UVRAG: variants seen among roughly 807,000 people sequenced by gnomAD.
UVRAG encodes UV radiation resistance associated, also known as UV radiation resistance-associated gene protein.
A neutral mutation model predicts 78.0 loss-of-function variants in UVRAG; 19 were observed. That is an observed-to-expected ratio of 0.24 (90% CI 0.17 to 0.36). UVRAG has a LOEUF of 0.36. Ranked by LOEUF, UVRAG falls within the 10% of genes least tolerant of loss-of-function variation. UVRAG has a pLI of 1.00. For missense variants in UVRAG, 740 were observed against 853.8 expected (o/e 0.87, Z 1.66); for synonymous variants, 323 against 324.6 (o/e 1.00, Z 0.05).
At chr11:75,936,524 C>T in intron 6 of UVRAG, among the ~76,000 whole-genome samples, 1 of 152,110 alleles carries the variant, frequency 6.6e-6, no homozygotes. Flanking sequence ...GAATTATTAT[C>T]TGGTAGTATA....
intron 4 of UVRAG, among the ~76,000 whole-genome samples, chr11:75,884,916 A>T (rs1351418010): frequency 6.6e-6 from 1 of 152,064 alleles, no homozygotes; most frequent in South Asian, 2.1e-4. Flanking sequence ...GTCCATTTCT[A>T]TAAAAATCCT....
chr11:75,891,903 C>G (rs1947219998), intron 5 of UVRAG, among the ~76,000 whole-genome samples: 1 of 151,538 alleles, frequency 6.6e-6, no homozygotes. Context: ...GAGACCCTGT[C>G]TCAGGGAGGG....
chr11:76,098,479 G>A lies in UVRAG; in HGVS notation c.1306-17445G>A, dbSNP rs112945230. 2.0e-3 allele frequency among the ~76,000 whole-genome samples: 300 copies of A among 152,202 alleles called. 1 individual carries two copies. Among genetic ancestry groups the A allele is most frequent in the African/African-American group, 6.9e-3 (288 of 41,536 alleles). On this transcript the variant is annotated intron_variant, in intron 13 of 14. Coordinates refer to ENST00000356136, the MANE Select transcript of UVRAG (RefSeq NM_003369.4). ...CTTTCATTTTGTTGTTCCTTCTCCT[G>A]TACCATCTCATATATTTTAAAATGG...
chr11:75,901,794 A>G (rs1286315419), intron 5 of UVRAG, among the ~76,000 whole-genome samples: 2 of 152,124 alleles, frequency 1.3e-5, no homozygotes, highest in Non-Finnish European at 2.9e-5. Flanking sequence ...CTTATTTCTA[A>G]ACACTCCATC....
intron 12 of UVRAG, among the ~76,000 whole-genome samples, chr11:76,043,244 AAAG>A: frequency 6.6e-6 from 1 of 152,206 alleles, no homozygotes; most frequent in Non-Finnish European, 1.5e-5. Flanking sequence ...TTTTTTAAAA[AAAG>A]GAAGAAAAAG....
rs1486680940 is a variant in UVRAG at position 75,911,155 on chromosome 11, C to G, written c.508-799C>G. ...ATAAGAAACAAATCCAGTGTTCATG[C>G]ATTCCCAAACTGCAGCCTTGATTCC... On this transcript the variant is annotated intron_variant, in intron 5 of 14. Transcript: ENST00000356136. The G allele has an allele frequency of 2.6e-5, 4 of 154,898 alleles. No individual in the cohort carries two copies. In the South Asian group the frequency reaches 8.3e-4, roughly 32 times the overall value. 9.6% of individuals were successfully genotyped at this position (154,898 alleles called of 1,614,324 possible). A position where few individuals can be genotyped will look rare whatever the true frequency, so the allele number is the denominator to read the frequency against.
chr11:75,871,591 G>C (rs1382636041), intron 3 of UVRAG, among the ~76,000 whole-genome samples: 1 of 152,230 alleles, frequency 6.6e-6, no homozygotes, highest in African/African-American at 2.4e-5. Context: ...GACTGCATCT[G>C]CTCTTTTGCT....
chr11:75,877,070 CA>C, intron 3 of UVRAG, among the ~76,000 whole-genome samples: 1 of 151,486 alleles, frequency 6.6e-6, no homozygotes, highest in East Asian at 1.9e-4. Flanking sequence ...ATGCTGCCTT[CA>C]AGCATCTGTT....
intron 2 of UVRAG, among the ~76,000 whole-genome samples, chr11:75,857,483 CT>C (rs753910704): frequency 1.4e-3 from 210 of 151,030 alleles, no homozygotes; most frequent in African/African-American, 3.8e-3. Context: ...GCAGATCTTT[CT>C]TTTTCCCCCC....
chr11:75,911,027 TG>T (rs1375569168), intron 5 of UVRAG, among the ~76,000 whole-genome samples: 1 of 152,234 alleles, frequency 6.6e-6, no homozygotes, highest in East Asian at 1.9e-4. Context: ...TGTGAAACAT[TG>T]TTTCCGTGGG....
At position 76,019,413 on chromosome 11, in the gene UVRAG, T is replaced by C. The variant is rs1412096139; in HGVS notation, c.1226+2433T>C. 2.6e-5 allele frequency among the ~76,000 whole-genome samples: 4 copies of C among 152,246 alleles called. No homozygotes were observed. The South Asian group carries it at 6.2e-4, about 24-fold the overall frequency. ...CTTGATGCTTGTGGATGTTTGCCAG[T>C]GTCTGGGCATTGAAGAGTTTAGGTA... On this transcript the variant is annotated intron_variant, in intron 12 of 14. Transcript: ENST00000356136.
At chr11:75,987,374 C>G (rs1003980879) in intron 8 of UVRAG, among the ~76,000 whole-genome samples, 1 of 152,160 alleles carries the variant, frequency 6.6e-6, no homozygotes, top group Non-Finnish European at 1.5e-5. Flanking sequence ...ACCAGATTTT[C>G]GTATGTTAAT....
chr11:75,844,102 C>T (rs1432238542), intron 1 of UVRAG, among the ~76,000 whole-genome samples: 3 of 152,048 alleles, frequency 2.0e-5, no homozygotes, highest in African/African-American at 2.4e-5. Flanking sequence ...CCTGATGCTG[C>T]AGGTAGAGTT....
At chr11:76,018,836 A>G (rs1376519670) in intron 12 of UVRAG, among the ~76,000 whole-genome samples, 3 of 152,114 alleles carry the variant, frequency 2.0e-5, no homozygotes, top group Non-Finnish European at 2.9e-5. Context: ...TTTGAGTTAA[A>G]TCTGTGTGGT....
chr11:76,004,103 G>A lies in UVRAG; in HGVS notation c.911+14G>A. On this transcript the variant is annotated intron_variant, in intron 9 of 14. Transcript: ENST00000356136. ...CACTGCAAAAAGGTAAATGCACACT[G>A]AGAAGAATTGCTGTGAGTGTGGAGT... 1.2e-6 allele frequency: 2 copies of A among 1,611,176 alleles called. No homozygotes were observed. Among genetic ancestry groups the A allele is most frequent in the Non-Finnish European group, 8.5e-7 (1 of 1,177,476 alleles).
chr11:75,868,361 A>T (rs373799137), intron 3 of UVRAG, among the ~76,000 whole-genome samples: 4 of 152,222 alleles, frequency 2.6e-5, no homozygotes, highest in Non-Finnish European at 5.9e-5. Context: ...GTTGCTAGGC[A>T]CATAAGACAG....
intron 7 of UVRAG, among the ~76,000 whole-genome samples, chr11:75,978,081 C>G (rs901419660): frequency 1.3e-5 from 2 of 152,170 alleles, no homozygotes; most frequent in Admixed American, 6.5e-5. Flanking sequence ...CAAAATCTCT[C>G]AGCATTTGCT....
intron 1 of UVRAG, among the ~76,000 whole-genome samples, chr11:75,830,666 T>A (rs1489954673): frequency 6.6e-6 from 1 of 152,230 alleles, no homozygotes; most frequent in Non-Finnish European, 1.5e-5. Flanking sequence ...TTTGTTCTAG[T>A]CCTCAGGTTC....
At chr11:75,921,422 T>C (rs1159750122) in intron 6 of UVRAG, among the ~76,000 whole-genome samples, 1 of 152,214 alleles carries the variant, frequency 6.6e-6, no homozygotes, top group Non-Finnish European at 1.5e-5. Flanking sequence ...TTTTTAAAAA[T>C]TGAGTTGCTT....
Sources: allele counts gnomAD v4.1 joint callset (sites outside exome capture counted in the v4.1 genomes callset), GRCh38; gene constraint gnomAD v4.1.1; transcripts MANE v1.5; gene names NCBI Gene and HGNC (gene_info 2026-07-23, HGNC 2026-07-21).